The following TMEM65 variants were observed in gnomAD, a reference collection of about 807,000 sequenced individuals.
The protein encoded by TMEM65 is transmembrane protein 65.
Under a neutral mutation model 25.4 loss-of-function variants are expected in TMEM65, and 22 were observed. The ratio of observed to expected loss-of-function variants is 0.86; its 90% confidence interval spans 0.62 to 1.23. The LOEUF is 1.23. TMEM65 is among the 50% of genes most tolerant of loss of function. The probability of loss-of-function intolerance (pLI) is 0.00; values close to 1 mark genes in which losing one functional copy is unlikely to be tolerated. For synonymous variants in TMEM65, 132 were observed against 126.2 expected (o/e 1.05, Z -0.31); for missense variants, 262 against 308.2 (o/e 0.85, Z 1.12).
rs1814105540 is a variant in TMEM65, at chr8:124,307,460, A to T, written c.*6500T>A. On this transcript the variant is annotated 3_prime_UTR_variant, in exon 7 of 7. Coordinates refer to ENST00000297632, the MANE Select transcript of TMEM65 (RefSeq NM_194291.3). ...AGCATAAGGACCACTGTTAAAAAAA[A>T]TTAAGAAAATTTATGAAGCCATTAC... 6.6e-6 allele frequency: 1 copy of T among 152,026 alleles called. No individual in the cohort carries two copies. Among genetic ancestry groups the T allele is most frequent in the Non-Finnish European group, 1.5e-5 (1 of 68,004 alleles). The allele number at this position is 152,026 out of a possible 1,614,324, so 9.4% of individuals were successfully genotyped here. A position where few individuals can be genotyped will look rare whatever the true frequency, so the allele number is the denominator to read the frequency against.
chr8:124,309,470 T>C lies in TMEM65; in HGVS notation c.*4490A>G, dbSNP rs1304965108. ...ATTAATCTTAATATTTAACTGTTAC[T>C]CTTTAGGCTTAATGCAGTTATTAGT... On this transcript the variant is annotated 3_prime_UTR_variant, in exon 7 of 7. Transcript: ENST00000297632. 1 of 152,232 alleles carries C rather than the reference T, an allele frequency of 6.6e-6. No homozygotes were observed. Among genetic ancestry groups the C allele is most frequent in the African/African-American group, 2.4e-5 (1 of 41,464 alleles). 9.4% of individuals were successfully genotyped at this position (152,232 alleles called of 1,614,324 possible).
chr8:124,338,173 T>C (rs1329279208), intron 1 of TMEM65, among the ~76,000 whole-genome samples: 1 of 152,112 alleles, frequency 6.6e-6, no homozygotes, highest in Admixed American at 6.5e-5. Context: ...AAATAATGAA[T>C]ATTTCCCACA....
intron 1 of TMEM65, among the ~76,000 whole-genome samples, chr8:124,338,669 A>G (rs1421662426): frequency 2.6e-5 from 4 of 152,200 alleles, no homozygotes; most frequent in East Asian, 1.9e-4. Flanking sequence ...TTTAACCTGT[A>G]TATCTCCTCT....
At chr8:124,319,529 T>A (rs1814279968) in intron 6 of TMEM65, among the ~76,000 whole-genome samples, 1 of 151,954 alleles carries the variant, frequency 6.6e-6, no homozygotes, top group African/African-American at 2.4e-5. Context: ...AAATATACCC[T>A]TTTTTTATCA....
intron 1 of TMEM65, chr8:124,350,919 ACAGT>A: frequency 1.2e-6 from 1 of 864,422 alleles, no homozygotes; most frequent in Non-Finnish European, 1.4e-6. Flanking sequence ...CATCATACAG[ACAGT>A]CAAAAACACT....
intron 1 of TMEM65, among the ~76,000 whole-genome samples, chr8:124,334,779 A>AG (rs1211853626): frequency 8.4e-4 from 126 of 150,350 alleles, no homozygotes; most frequent in African/African-American, 3.0e-3. Flanking sequence ...AAAAAAAAAA[A>AG]AAAGAAAGAA....
chr8:124,314,555 G>A (rs1429533485), intron 6 of TMEM65, among the ~76,000 whole-genome samples: 1 of 152,150 alleles, frequency 6.6e-6, no homozygotes, highest in East Asian at 1.9e-4. Context: ...AGCAATTTCA[G>A]TATACATAAA....
At chr8:124,325,774 G>A (rs979691960) in intron 3 of TMEM65, among the ~76,000 whole-genome samples, 3 of 152,014 alleles carry the variant, frequency 2.0e-5, no homozygotes, top group African/African-American at 7.2e-5. Flanking sequence ...TAGAATGTGG[G>A]TGTTTGGTTT....
intron 1 of TMEM65, among the ~76,000 whole-genome samples, chr8:124,347,951 C>T (rs1051671784): frequency 6.8e-6 from 1 of 147,654 alleles, no homozygotes; most frequent in African/African-American, 2.5e-5. Context: ...AATGCAATGG[C>T]GTGATCTCGG....
intron 1 of TMEM65, among the ~76,000 whole-genome samples, chr8:124,348,239 G>A (rs1038922377): frequency 6.6e-6 from 1 of 151,188 alleles, no homozygotes; most frequent in African/African-American, 2.4e-5. Context: ...GAGCCACCGT[G>A]CCTGGCCAAT....
chr8:124,316,648 C>T (rs1214469571), intron 6 of TMEM65, among the ~76,000 whole-genome samples: 1 of 152,086 alleles, frequency 6.6e-6, no homozygotes, highest in Non-Finnish European at 1.5e-5. Context: ...TAATCTGATG[C>T]TTTTGTCATA....
In TMEM65 at chr8:124,324,718, G is replaced by A. The variant is rs565760920; in HGVS notation, c.418-1343C>T. On this transcript the variant is annotated intron_variant, in intron 3 of 6. Transcript: ENST00000297632. ...TAATCATTTGGTTGAATGTAACACA[G>A]CTGAAGGTCCTTCTAACAGCAGGAA... 3.3e-5 allele frequency among the ~76,000 whole-genome samples: 5 copies of A among 152,146 alleles called. 1 individual carries two copies. The South Asian group carries it at 1.0e-3, about 32-fold the overall frequency.
At chr8:124,357,829 C>CT (rs35830531) in intron 1 of TMEM65, among the ~76,000 whole-genome samples, 45,487 of 105,298 alleles carry the variant, frequency 0.43, 11,351 homozygotes, top group Middle Eastern at 0.5. Context: ...ACTTTTTTAT[C>CT]TTTTTTTTTT....
At chr8:124,345,573 G>A (rs1814631059) in intron 1 of TMEM65, among the ~76,000 whole-genome samples, 1 of 152,014 alleles carries the variant, frequency 6.6e-6, no homozygotes, top group African/African-American at 2.4e-5. Flanking sequence ...CAGAAACAGG[G>A]CTAATGGCAT....
chr8:124,332,411 C>G (rs1474627155), intron 1 of TMEM65, among the ~76,000 whole-genome samples: 1 of 152,118 alleles, frequency 6.6e-6, no homozygotes, highest in Non-Finnish European at 1.5e-5. Context: ...TATATGGAGT[C>G]CTTGCTTTTA....
rs181683857 is a variant in TMEM65 at position 124,326,138 on chromosome 8, T to C, written c.417+1216A>G. 6.0e-3 allele frequency among the ~76,000 whole-genome samples: 906 copies of C among 152,142 alleles called. 5 individuals carry two copies. Among genetic ancestry groups the C allele is most frequent in the Admixed American group, 9.9e-3 (151 of 15,266 alleles). On this transcript the variant is annotated intron_variant, in intron 3 of 6. Transcript: ENST00000297632. ...CTCTCTAAGTCCTAACTGAGAAAAGTTTCTAGTTGTGAAGCACTTCGATTT... is the reference window on the plus strand; with the variant it reads ...CTCTCTAAGTCCTAACTGAGAAAAGCTTCTAGTTGTGAAGCACTTCGATTT...
chr8:124,322,276 C>G (rs911131933), intron 4 of TMEM65, 129 bp from the exon 5 acceptor site: 26 of 603,386 alleles, frequency 4.3e-5, no homozygotes, highest in South Asian at 2.2e-4. Context: ...TCCAAAGTAA[C>G]TCATTGGACA....
At chr8:124,364,855 G>T (rs575668168) in intron 1 of TMEM65, among the ~76,000 whole-genome samples, 2 of 151,452 alleles carry the variant, frequency 1.3e-5, no homozygotes, top group South Asian at 4.2e-4. Context: ...AACTAATTCA[G>T]ATGACTTGGG....
chr8:124,342,374 C>A (rs1244635445), intron 1 of TMEM65, among the ~76,000 whole-genome samples: 1 of 152,072 alleles, frequency 6.6e-6, no homozygotes, highest in African/African-American at 2.4e-5. Flanking sequence ...CTCATTGGTT[C>A]ATAAAACTGC....
Sources: allele counts gnomAD v4.1 joint callset (sites outside exome capture counted in the v4.1 genomes callset), GRCh38; gene constraint gnomAD v4.1.1; transcripts MANE v1.5; gene names NCBI Gene and HGNC (gene_info 2026-07-23, HGNC 2026-07-21).